DCHS2: variants seen among roughly 807,000 people sequenced by gnomAD.
DCHS2 encodes the protein dachsous cadherin-related 2, also known as protocadherin-23.
Under a neutral mutation model 182.4 loss-of-function variants are expected in DCHS2, and 142 were observed. That is an observed-to-expected ratio of 0.78 (90% confidence interval 0.68 to 0.89). The LOEUF (loss-of-function observed/expected upper bound fraction) is 0.89, where lower values mean the gene tolerates loss of function less well. Among genes scored for constraint, DCHS2 ranks in the 40% least tolerant of loss-of-function variants. The pLI is 0.00. For synonymous variants in DCHS2, 1,740 were observed against 1,663.3 expected (o/e 1.05, Z -1.12); for missense variants, 4,319 against 4,198.6 (o/e 1.03, Z -0.79).
At chr4:154,368,034 C>A (rs547628804) in intron 2 of DCHS2, among the ~76,000 whole-genome samples, 1 of 152,102 alleles carries the variant, frequency 6.6e-6, no homozygotes, top group Non-Finnish European at 1.5e-5. Context: ...GAATAAAGTG[C>A]CAGAGCCATG....
rs531467129 is a variant in DCHS2 at position 154,480,666 on chromosome 4, A to G, written c.2052+8638T>C. 5.3e-5 allele frequency among the ~76,000 whole-genome samples: 8 copies of G among 152,354 alleles called. No homozygotes were observed. The South Asian group carries it at 1.7e-3, about 32-fold the overall frequency. On this transcript the variant is annotated intron_variant, in intron 1 of 19. Transcript: ENST00000357232. ...TGTAGTCATTTAAAATAGAAAATAA[A>G]GATTTTAATTTATATAAAGCATGCA...
chr4:154,239,024 T>A, intron 19 of DCHS2, 146 bp downstream of exon 19: 2 of 1,089,378 alleles, frequency 1.8e-6, no homozygotes, highest in South Asian at 1.9e-5. Flanking sequence ...GCACTTCATG[T>A]GAAGAGTAAT....
chr4:154,298,835 G>A, intron 12 of DCHS2, 127 bp from the exon 13 acceptor site: 1 of 1,337,928 alleles, frequency 7.5e-7, no homozygotes, highest in Non-Finnish European at 9.7e-7. Context: ...TTGTATCCTA[G>A]CACTTTTGTA....
At position 154,322,383 on chromosome 4, in the gene DCHS2, G is replaced by A; in HGVS notation, c.4124C>T (p.Ala1375Val). Residue 1375 changes from alanine (A) to valine (V), a missense_variant, in exon 8 of 20, where the codon GCC becomes GTC. Coordinates refer to ENST00000357232, the MANE Select transcript of DCHS2 (RefSeq NM_001358235.2). ...AAGAGGAGGCACTCCCTGGTCAGTG[G>A]CAATGACACTCATTCTGTAGGAAGG... ...YRPSYRMSVI[A>V]TDQGVPPLQG... is the part of the protein sequence containing the mutation. The A allele has an allele frequency of 1.2e-6, 2 of 1,613,748 alleles. No homozygotes were observed. The highest frequency in any genetic ancestry group is 1.7e-6 in the Non-Finnish European group (2 of 1,179,820).
intron 3 of DCHS2, among the ~76,000 whole-genome samples, chr4:154,363,346 A>G (rs1227351096): frequency 6.6e-6 from 1 of 152,238 alleles, no homozygotes; most frequent in Admixed American, 6.5e-5. Flanking sequence ...GATAATGAAA[A>G]TGTAGTATAT....
intron 3 of DCHS2, among the ~76,000 whole-genome samples, chr4:154,345,974 G>A (rs1157218255): frequency 6.6e-6 from 1 of 152,208 alleles, no homozygotes; most frequent in Admixed American, 6.5e-5. Context: ...AGCAGAATCA[G>A]TGTCTGGACA....
At chr4:154,452,740 G>C (rs1447804911) in intron 1 of DCHS2, among the ~76,000 whole-genome samples, 3 of 151,790 alleles carry the variant, frequency 2.0e-5, no homozygotes, top group African/African-American at 7.3e-5. Flanking sequence ...TTTTTTTTCT[G>C]AAACTAAGAA....
At chr4:154,251,292 A>G (rs1408228468) in intron 16 of DCHS2, among the ~76,000 whole-genome samples, 4 of 152,218 alleles carry the variant, frequency 2.6e-5, no homozygotes, top group African/African-American at 9.6e-5. Context: ...ACATCATAAA[A>G]TAAGCCCTGC....
intron 13 of DCHS2, among the ~76,000 whole-genome samples, chr4:154,288,821 T>A (rs893613270): frequency 6.6e-6 from 1 of 152,148 alleles, no homozygotes; most frequent in Non-Finnish European, 1.5e-5. Flanking sequence ...TGCTCCTGAA[T>A]GACCAGTGAT....
At chr4:154,458,635 A>G (rs748816087) in intron 1 of DCHS2, among the ~76,000 whole-genome samples, 1 of 152,194 alleles carries the variant, frequency 6.6e-6, no homozygotes, top group Non-Finnish European at 1.5e-5. Context: ...AGAAATCTGT[A>G]TTTACATGGC....
chr4:154,257,693 A>G (rs1732760285), intron 15 of DCHS2, among the ~76,000 whole-genome samples: 1 of 152,212 alleles, frequency 6.6e-6, no homozygotes, highest in African/African-American at 2.4e-5. Context: ...ACCAGGAAGC[A>G]ACCACCACAA....
At chr4:154,294,754 A>G (rs1032517283) in intron 13 of DCHS2, among the ~76,000 whole-genome samples, 2 of 152,202 alleles carry the variant, frequency 1.3e-5, no homozygotes, top group Non-Finnish European at 2.9e-5. Flanking sequence ...ACCAACAGGG[A>G]ATGTGTAAAT....
intron 1 of DCHS2, among the ~76,000 whole-genome samples, chr4:154,388,658 C>T (rs1731529614): frequency 6.6e-6 from 1 of 151,896 alleles, no homozygotes; most frequent in South Asian, 2.1e-4. Flanking sequence ...CCACGGCTGT[C>T]TAATTTTTTT....
chr4:154,433,419 A>C (rs1733645927), intron 1 of DCHS2, among the ~76,000 whole-genome samples: 1 of 42,266 alleles, frequency 2.4e-5, no homozygotes, highest in African/African-American at 6.4e-5. Flanking sequence ...TTTTTGAGAC[A>C]GAGTCTTGCT....
chr4:154,470,169 G>T (rs1162381110), intron 1 of DCHS2, among the ~76,000 whole-genome samples: 1 of 152,134 alleles, frequency 6.6e-6, no homozygotes. Flanking sequence ...AAGAAAGGAA[G>T]GAATCTCTTA....
At chr4:154,343,458 G>C (rs930902875) in intron 3 of DCHS2, 2 of 1,429,500 alleles carry the variant, frequency 1.4e-6, no homozygotes, top group East Asian at 2.5e-5. Flanking sequence ...CTATTGTTTA[G>C]TGTAACCACC....
At chr4:154,436,092 G>A (rs975625690) in intron 1 of DCHS2, among the ~76,000 whole-genome samples, 30 of 152,260 alleles carry the variant, frequency 2.0e-4, no homozygotes, top group African/African-American at 7.0e-4. Context: ...CTCTCTGTAG[G>A]GAAATCCTGT....
chr4:154,374,148 A>T, intron 2 of DCHS2: 1 of 561,834 alleles, frequency 1.8e-6, no homozygotes, highest in Non-Finnish European at 3.1e-6. Context: ...TTGATATGAC[A>T]GACAGGTTAT....
chr4:154,373,911 G>A (rs1730760601), intron 2 of DCHS2: 2 of 1,590,610 alleles, frequency 1.3e-6, no homozygotes, highest in South Asian at 2.2e-5. Flanking sequence ...GAAACATCAT[G>A]TTCCTTACCT....
Sources: allele counts gnomAD v4.1 joint callset (sites outside exome capture counted in the v4.1 genomes callset), GRCh38; gene constraint gnomAD v4.1.1; transcripts MANE v1.5; gene names NCBI Gene and HGNC (gene_info 2026-07-23, HGNC 2026-07-21).